The following EXOC6B variants were observed in gnomAD, a reference collection of about 807,000 sequenced individuals.
The protein encoded by EXOC6B is exocyst complex component 6B, also known as SEC15 homolog B.
In EXOC6B, 54 loss-of-function variants were observed where a neutral mutation model predicts 113.5. The observed-to-expected ratio is 0.48, with a 90% CI of 0.38 to 0.60. EXOC6B has a LOEUF of 0.60. Ranked by LOEUF, EXOC6B falls within the 20% of genes least tolerant of loss-of-function variation. The pLI is 0.00. For missense variants in EXOC6B, 797 were observed against 977.5 expected (o/e 0.82, Z 2.46); for synonymous variants, 357 against 339.0 (o/e 1.05, Z -0.58).
intron 18 of EXOC6B, among the ~76,000 whole-genome samples, chr2:72,407,134 C>G (rs181004014): frequency 6.6e-6 from 1 of 152,104 alleles, no homozygotes; most frequent in Non-Finnish European, 1.5e-5. Flanking sequence ...ATAAATTCCT[C>G]GACACATACA....
chr2:72,639,151 C>T (rs1448155158), intron 6 of EXOC6B, among the ~76,000 whole-genome samples: 3 of 152,152 alleles, frequency 2.0e-5, no homozygotes, highest in Non-Finnish European at 4.4e-5. Context: ...GCGGGTTTTG[C>T]TTTCCTTGCC....
At chr2:72,634,189 T>G (rs1428118135) in intron 6 of EXOC6B, among the ~76,000 whole-genome samples, 1 of 152,102 alleles carries the variant, frequency 6.6e-6, no homozygotes, top group Non-Finnish European at 1.5e-5. Context: ...GCTTTCATGT[T>G]GAGAAACTAC....
intron 5 of EXOC6B, among the ~76,000 whole-genome samples, chr2:72,727,417 G>C (rs1285185751): frequency 6.6e-6 from 1 of 152,132 alleles, no homozygotes; most frequent in Non-Finnish European, 1.5e-5. Context: ...GAAAGGCAAG[G>C]AAAGGCTGAA....
At chr2:72,414,881 T>C (rs1013176894) in intron 18 of EXOC6B, among the ~76,000 whole-genome samples, 1 of 149,906 alleles carries the variant, frequency 6.7e-6, no homozygotes, top group Non-Finnish European at 1.5e-5. Flanking sequence ...TTCTATGACA[T>C]TTCTTTTATT....
At chr2:72,732,515 T>C (rs555493184) in intron 3 of EXOC6B, among the ~76,000 whole-genome samples, 49 of 152,216 alleles carry the variant, frequency 3.2e-4, no homozygotes, top group Non-Finnish European at 5.7e-4. Flanking sequence ...ACTGTGCCAG[T>C]CACTATTTAG....
At chr2:72,335,548 GCACACACACACA>G (rs70963124) in intron 19 of EXOC6B, among the ~76,000 whole-genome samples, 1,751 of 134,986 alleles carry the variant, frequency 0.013, 43 homozygotes, top group African/African-American at 0.042. Context: ...CTGCATTATT[GCACACACACACA>G]CACACACACA....
chr2:72,291,013 T>C (rs1685751924), intron 20 of EXOC6B, among the ~76,000 whole-genome samples: 1 of 152,194 alleles, frequency 6.6e-6, no homozygotes, highest in South Asian at 2.1e-4. Context: ...AATGACATTA[T>C]CTTTTAAGTT....
intron 20 of EXOC6B, among the ~76,000 whole-genome samples, chr2:72,206,943 G>A (rs1368561815): frequency 1.3e-5 from 2 of 152,118 alleles, no homozygotes; most frequent in Non-Finnish European, 2.9e-5. Context: ...AAAGCATAAT[G>A]GGAAACCATC....
chr2:72,401,505 A>G (rs1158681285), intron 18 of EXOC6B, among the ~76,000 whole-genome samples: 15 of 58,486 alleles, frequency 2.6e-4, no homozygotes, highest in South Asian at 6.9e-4. Flanking sequence ...ATATATATAT[A>G]TATATATATA....
chr2:72,787,822 G>C (rs913935675), intron 1 of EXOC6B, among the ~76,000 whole-genome samples: 1 of 152,058 alleles, frequency 6.6e-6, no homozygotes, highest in Non-Finnish European at 1.5e-5. Flanking sequence ...TTTTCTTGTA[G>C]AGATGGGGTT....
At chr2:72,789,008 G>A (rs1684528836) in intron 1 of EXOC6B, among the ~76,000 whole-genome samples, 1 of 152,130 alleles carries the variant, frequency 6.6e-6, no homozygotes, top group Non-Finnish European at 1.5e-5. Context: ...TTCATGGGCT[G>A]TGTCTAGCTC....
intron 18 of EXOC6B, among the ~76,000 whole-genome samples, chr2:72,397,118 T>C (rs1692779486): frequency 1.3e-5 from 2 of 152,148 alleles, no homozygotes; most frequent in African/African-American, 4.8e-5. Flanking sequence ...GCAAAGAATT[T>C]GAAAGTACCA....
At chr2:72,688,493 T>C (rs911208888) in intron 6 of EXOC6B, among the ~76,000 whole-genome samples, 6 of 151,752 alleles carry the variant, frequency 4.0e-5, no homozygotes, top group Non-Finnish European at 8.8e-5. Flanking sequence ...GAAGTATTTA[T>C]ACACCAGCTT....
chr2:72,402,445 T>A (rs905410760), intron 18 of EXOC6B, among the ~76,000 whole-genome samples: 1 of 149,114 alleles, frequency 6.7e-6, no homozygotes, highest in Non-Finnish European at 1.5e-5. Context: ...CAAAGATTTT[T>A]ATTTCTTCAT....
chr2:72,696,597 G>C (rs2104612590), intron 6 of EXOC6B, among the ~76,000 whole-genome samples: 1 of 152,292 alleles, frequency 6.6e-6, no homozygotes, highest in Non-Finnish European at 1.5e-5. Context: ...GGTTTGAAGA[G>C]GCACAGCAGT....
chr2:72,346,484 CAT>C (rs1190878059), intron 19 of EXOC6B, among the ~76,000 whole-genome samples: 1 of 152,076 alleles, frequency 6.6e-6, no homozygotes, highest in Non-Finnish European at 1.5e-5. Flanking sequence ...TCTTGCCTAA[CAT>C]ATAAGAATAA....
intron 8 of EXOC6B, among the ~76,000 whole-genome samples, chr2:72,545,616 A>G (rs902053621): frequency 5.9e-5 from 9 of 152,134 alleles, no homozygotes; most frequent in African/African-American, 2.2e-4. Flanking sequence ...TTTTCCCCAT[A>G]TTTACCACAT....
At chr2:72,298,039 T>A (rs1479909242) in intron 20 of EXOC6B, among the ~76,000 whole-genome samples, 1 of 152,222 alleles carries the variant, frequency 6.6e-6, no homozygotes, top group Non-Finnish European at 1.5e-5. Context: ...GTCCTGAATA[T>A]CCTTGTTAAT....
At chr2:72,391,453 G>T (rs1692375891) in intron 18 of EXOC6B, among the ~76,000 whole-genome samples, 1 of 152,084 alleles carries the variant, frequency 6.6e-6, no homozygotes, top group Non-Finnish European at 1.5e-5. Flanking sequence ...CTTGTTCTCT[G>T]GCTGTTTGTA....
Sources: gnomAD v4.1 joint callset for allele counts (sites outside exome capture counted in the v4.1 genomes callset) on GRCh38, gnomAD v4.1.1 for gene constraint, MANE v1.5 for transcripts, NCBI Gene and HGNC (gene_info 2026-07-23, HGNC 2026-07-21) for gene names.